ENPP2: variants seen among roughly 807,000 people sequenced by gnomAD.
ENPP2 encodes autotaxin.
ENPP2 carries 51 observed loss-of-function variants against 120.2 expected under a neutral mutation model. That is an observed-to-expected ratio of 0.42 (90% CI 0.34 to 0.54). ENPP2 has a LOEUF of 0.54. ENPP2 is among the 20% of genes least tolerant of loss of function. The probability of loss-of-function intolerance (pLI) is 0.04; values close to 1 mark genes in which losing one functional copy is unlikely to be tolerated. For synonymous variants in ENPP2, 365 were observed against 366.4 expected, an observed-to-expected ratio of 1.00 and a Z score of 0.04; for missense variants, 920 against 1,066.5, an observed-to-expected ratio of 0.86 and a Z score of 1.91.
At chr8:119,611,059 G>GT (rs1247123694) in intron 8 of ENPP2, among the ~76,000 whole-genome samples, 4 of 152,040 alleles carry the variant, frequency 2.6e-5, no homozygotes, top group Non-Finnish European at 5.9e-5. Flanking sequence ...TGTGAAAAGG[G>GT]GACAAATGGG....
At chr8:119,602,669 G>A (rs1814400215) in intron 9 of ENPP2, among the ~76,000 whole-genome samples, 1 of 151,954 alleles carries the variant, frequency 6.6e-6, no homozygotes, top group East Asian at 1.9e-4. Flanking sequence ...ATGCTCACAA[G>A]CTGAGTGATA....
Position 119,582,612 on chromosome 8 carries a change from A to G in ENPP2, c.1544-10T>C. 1 of 1,601,610 alleles carries G rather than the reference A, an allele frequency of 6.2e-7. No homozygotes were observed. The highest frequency in any genetic ancestry group is 1.3e-5 in the African/African-American group (1 of 74,580). The stretch of plus-strand genomic sequence containing the variant: ...TTCAATCCCAGGAGATCTAATGAAA[A>G]TTAAGAAAAGGAGGCAGGTGCTTCT... On this transcript the variant is annotated splice_polypyrimidine_tract_variant and intron_variant, in intron 17 of 24. Coordinates refer to ENST00000075322, the MANE Select transcript of ENPP2 (RefSeq NM_001040092.3).
chr8:119,572,192 A>G (rs1203624497), intron 19 of ENPP2: 1 of 1,554,510 alleles, frequency 6.4e-7, no homozygotes, highest in African/African-American at 1.4e-5. Context: ...TAGGTTCAAA[A>G]TTTCCATTAA....
chr8:119,592,411 T>C (rs1395753516), intron 12 of ENPP2, among the ~76,000 whole-genome samples: 1 of 143,754 alleles, frequency 7.0e-6, no homozygotes, highest in Non-Finnish European at 1.5e-5. Flanking sequence ...AGGTGGAGGT[T>C]GCAGTGAGCC....
intron 12 of ENPP2, 77 bp downstream of exon 12, chr8:119,593,675 G>T: frequency 1.1e-6 from 1 of 925,090 alleles, no homozygotes; most frequent in Non-Finnish European, 1.8e-6. Flanking sequence ...GGCTTCTAAG[G>T]GCAAGGATTC....
chr8:119,583,778 T>C lies in ENPP2; in HGVS notation c.1482A>G (p.Thr494=). ...MQTVFVGYGS[T]FKYKTKVPPF... is the part of the protein sequence containing the mutation. The stretch of plus-strand genomic sequence containing the variant: ...GAGGCACTTTAGTCTTGTACTTAAA[T>C]GTTGAGCCATAACCTACAAAAACAG... The change falls in exon 17 of 25, where the codon ACA becomes ACG. Residue 494 remains threonine (T), a synonymous_variant. Coordinates refer to ENST00000075322, the MANE Select transcript of ENPP2 (RefSeq NM_001040092.3). 1 of 1,602,320 alleles carries C rather than the reference T, an allele frequency of 6.2e-7. No individual in the cohort carries two copies. The highest frequency in any genetic ancestry group is 8.5e-7 in the Non-Finnish European group (1 of 1,170,510).
chr8:119,633,712 T>C (rs1003385361), intron 2 of ENPP2, among the ~76,000 whole-genome samples: 7 of 152,086 alleles, frequency 4.6e-5, no homozygotes, highest in African/African-American at 1.7e-4. Context: ...CACACAGGTC[T>C]ACATGTCAGT....
intron 12 of ENPP2, among the ~76,000 whole-genome samples, chr8:119,591,622 C>T (rs1813512744): frequency 6.6e-6 from 1 of 151,962 alleles, no homozygotes; most frequent in Non-Finnish European, 1.5e-5. Flanking sequence ...AAAGGATGCC[C>T]AAAGGTTTTA....
At chr8:119,588,039 G>A (rs1446362630) in intron 13 of ENPP2, among the ~76,000 whole-genome samples, 2 of 152,146 alleles carry the variant, frequency 1.3e-5, no homozygotes, top group African/African-American at 2.4e-5. Flanking sequence ...TGTTAAAAAT[G>A]TATGAATAAA....
chr8:119,574,835 C>T lies in ENPP2; in HGVS notation c.1781-3994G>A, dbSNP rs568241088. ...TACTTTCTCCTTTGCCTTACAAGTGCCTATTATCATTTGCTGCCATTTCAA... is the reference window on the plus strand; with the variant it reads ...TACTTTCTCCTTTGCCTTACAAGTGTCTATTATCATTTGCTGCCATTTCAA... On this transcript the variant is annotated intron_variant, in intron 19 of 24. Coordinates refer to ENST00000075322, the MANE Select transcript of ENPP2 (RefSeq NM_001040092.3). 7.2e-5 allele frequency among the ~76,000 whole-genome samples: 11 copies of T among 152,298 alleles called. No homozygotes were observed. In the South Asian group the frequency reaches 2.1e-3, roughly 29 times the overall value.
intron 1 of ENPP2, among the ~76,000 whole-genome samples, chr8:119,670,566 G>C (rs1050971971): frequency 6.6e-6 from 1 of 152,130 alleles, no homozygotes; most frequent in Admixed American, 6.5e-5. Flanking sequence ...TTGTAATAAA[G>C]AATGGTAAGT....
chr8:119,611,536 A>T (rs954640635), intron 8 of ENPP2, among the ~76,000 whole-genome samples: 37 of 152,198 alleles, frequency 2.4e-4, no homozygotes, highest in African/African-American at 8.2e-4. Context: ...GCTGAGATGG[A>T]GTGCTGTCCT....
chr8:119,614,861 C>T (rs1815352699), intron 8 of ENPP2, among the ~76,000 whole-genome samples: 1 of 152,138 alleles, frequency 6.6e-6, no homozygotes, highest in Non-Finnish European at 1.5e-5. Flanking sequence ...ACTATGATCA[C>T]ACCCTAGGCC....
At chr8:119,626,507 T>A in intron 3 of ENPP2, 58 bp downstream of exon 3, 1 of 1,460,640 alleles carries the variant, frequency 6.8e-7, no homozygotes, top group South Asian at 1.2e-5. Context: ...ATGCATACAA[T>A]AGCAGGCAGT....
At chr8:119,596,050 C>T (rs1563712427) in intron 11 of ENPP2, 3 of 1,570,902 alleles carry the variant, frequency 1.9e-6, no homozygotes, top group Non-Finnish European at 2.6e-6. Flanking sequence ...GTCTGTCCCT[C>T]TGAGTCAGAT....
At chr8:119,672,396 G>T (rs1318441810) in intron 1 of ENPP2, among the ~76,000 whole-genome samples, 1 of 152,132 alleles carries the variant, frequency 6.6e-6, no homozygotes, top group African/African-American at 2.4e-5. Flanking sequence ...CCCTCTATCA[G>T]TGAGAAGCGG....
intron 1 of ENPP2, among the ~76,000 whole-genome samples, chr8:119,669,656 T>C (rs529847116): frequency 1.2e-4 from 18 of 152,314 alleles, no homozygotes; most frequent in African/African-American, 4.1e-4. Flanking sequence ...GGAGGTTCAT[T>C]ACAACTCAAA....
chr8:119,627,865 A>ATATATAT (rs1816392605), intron 2 of ENPP2, among the ~76,000 whole-genome samples: 1 of 143,554 alleles, frequency 7.0e-6, no homozygotes, highest in African/African-American at 2.5e-5. Flanking sequence ...CCGTCTTAAA[A>ATATATAT]ATATATATAT....
intron 12 of ENPP2, 108 bp from the exon 13 acceptor site, chr8:119,590,738 T>C: frequency 1.4e-6 from 1 of 727,316 alleles, no homozygotes; most frequent in Non-Finnish European, 2.1e-6. Context: ...TTTTAGTAAC[T>C]TAATGGGAAG....
Sources: allele counts gnomAD v4.1 joint callset (sites outside exome capture counted in the v4.1 genomes callset), GRCh38; gene constraint gnomAD v4.1.1; transcripts MANE v1.5; gene names NCBI Gene and HGNC (gene_info 2026-07-23, HGNC 2026-07-21).